POGZ: variants seen among roughly 807,000 people sequenced by gnomAD.
POGZ encodes the protein pogo transposable element with ZNF domain.
A neutral mutation model predicts 134.6 loss-of-function variants in POGZ; 17 were observed. The ratio of observed to expected loss-of-function variants is 0.13; its 90% CI spans 0.09 to 0.19. The LOEUF is 0.19. Among genes scored for constraint, POGZ ranks in the 10% least tolerant of loss-of-function variants. The pLI is 1.00. For missense variants in POGZ, 1,306 were observed against 1,769.7 expected (o/e 0.74, Z 4.70); for synonymous variants, 693 against 657.1 (o/e 1.05, Z -0.84).
chr1:151,408,307 G>C, intron 14 of POGZ, 67 bp from the exon 15 acceptor site: 2 of 1,587,778 alleles, frequency 1.3e-6, no homozygotes, highest in Non-Finnish European at 1.7e-6. Context: ...AGGATTTTCA[G>C]ACAACAAACC....
At chr1:151,437,728 G>T (rs1659859877) in intron 3 of POGZ, among the ~76,000 whole-genome samples, 1 of 151,782 alleles carries the variant, frequency 6.6e-6, no homozygotes, top group South Asian at 2.1e-4. Context: ...CTCCAGCCTG[G>T]GTGATGGAGT....
intron 2 of POGZ, 68 bp from the exon 3 acceptor site, chr1:151,441,154 T>C (rs1376015790): frequency 4.6e-6 from 6 of 1,298,660 alleles, no homozygotes; most frequent in Non-Finnish European, 5.3e-6. Context: ...ACTGCTCTAA[T>C]CTTCCCTTTC....
rs1176750172 is a variant in POGZ, at chr1:151,424,840, C to T, written c.1185+115G>A. On this transcript the variant is annotated intron_variant, in intron 8 of 18. Transcript: ENST00000271715. ...TCTTCTAAAAACAGACCAAGAGAAA[C>T]AGTAACCCTTTAAAAAGCTTCAGTC... The T allele has an allele frequency of 2.0e-5, 13 of 636,176 alleles. 1 individual carries two copies. In the South Asian group the frequency reaches 2.4e-4, roughly 12 times the overall value. The allele number at this position is 636,176 out of a possible 1,614,324, so 39.4% of individuals were successfully genotyped here. A position where few individuals can be genotyped will look rare whatever the true frequency, so the allele number is the denominator to read the frequency against.
At chr1:151,445,577 A>G (rs2102389041) in intron 1 of POGZ, among the ~76,000 whole-genome samples, 1 of 141,594 alleles carries the variant, frequency 7.1e-6, no homozygotes, top group African/African-American at 2.6e-5. Context: ...AAAAAAAAGA[A>G]AATCCAACTT....
At chr1:151,423,857 G>T in intron 9 of POGZ, 92 bp downstream of exon 9, 1 of 947,670 alleles carries the variant, frequency 1.1e-6, no homozygotes, top group Admixed American at 2.6e-5. Context: ...ATAGTAGTTA[G>T]GTCCATTCTC....
In POGZ at chr1:151,444,968, A is replaced by G. The variant is rs577514946; in HGVS notation, c.-1-2763T>C. On this transcript the variant is annotated intron_variant, in intron 1 of 18. Coordinates refer to ENST00000271715, the MANE Select transcript of POGZ (RefSeq NM_015100.4). The stretch of plus-strand genomic sequence containing the variant: ...CCTGAGCCCAGGAGTTCGAGGTTAC[A>G]GTGAGCTCGAGGTTACAGTAACTGC... Among the ~76,000 whole-genome samples, 9 of 152,198 alleles carry G rather than the reference A, an allele frequency of 5.9e-5. No homozygotes were observed. In the South Asian group the frequency reaches 1.9e-3, roughly 32 times the overall value.
rs1047036801 is a variant in POGZ, at chr1:151,403,180, A to G, written c.*1622T>C. 24 of 981,084 alleles carry G rather than the reference A, an allele frequency of 2.4e-5. No homozygotes were observed. The highest frequency in any genetic ancestry group is 1.1e-4 in the East Asian group (1 of 8,818). The allele number at this position is 981,084 out of a possible 1,614,324, so 60.8% of individuals were successfully genotyped here. On this transcript the variant is annotated 3_prime_UTR_variant, in exon 19 of 19. Transcript: ENST00000271715. ...CTGGAAGGGACTTTTCCAGTTCACT[A>G]TATTATAGTGTGCTGGGGGATGAAA... is the stretch of plus-strand genomic sequence containing the variant.
At chr1:151,425,178 T>C (rs889038043) in intron 7 of POGZ, 117 bp from the exon 8 acceptor site, 3 of 625,980 alleles carry the variant, frequency 4.8e-6, no homozygotes, top group Admixed American at 2.5e-5. Context: ...TAAGCAAGCA[T>C]GAGAGATCAC....
Position 151,403,984 on chromosome 1 carries a change from T to C in POGZ, c.*818A>G, listed in dbSNP as rs1316663883. On this transcript the variant is annotated 3_prime_UTR_variant, in exon 19 of 19. Transcript: ENST00000271715. ...ATGATCCTTTGTCCAGAGGGATGGATGGTGTTGAGAATGGGGAAAGGGGCC... is the reference window on the plus strand; with the variant it reads ...ATGATCCTTTGTCCAGAGGGATGGACGGTGTTGAGAATGGGGAAAGGGGCC... 2 of 985,282 alleles carry C rather than the reference T, an allele frequency of 2.0e-6. No homozygotes were observed. Among genetic ancestry groups the C allele is most frequent in the East Asian group, 2.3e-4 (2 of 8,834 alleles). 61.0% of individuals were successfully genotyped at this position (985,282 alleles called of 1,614,324 possible).
chr1:151,416,787 C>G (rs1463949068), intron 10 of POGZ, among the ~76,000 whole-genome samples: 1 of 151,130 alleles, frequency 6.6e-6, no homozygotes, highest in Admixed American at 6.6e-5. Context: ...CCACACCTGG[C>G]TAATTAAAAA....
intron 10 of POGZ, among the ~76,000 whole-genome samples, chr1:151,416,302 A>G (rs1311829892): frequency 6.6e-6 from 1 of 151,358 alleles, no homozygotes; most frequent in East Asian, 1.9e-4. Flanking sequence ...CACGCCTGTA[A>G]TCCCAGCACT....
intron 11 of POGZ, 89 bp from the exon 12 acceptor site, chr1:151,411,860 AT>A: frequency 8.3e-7 from 1 of 1,200,826 alleles, no homozygotes; most frequent in Non-Finnish European, 1.1e-6. Flanking sequence ...AAATTTTTAA[AT>A]TAAAAAAAAA....
intron 3 of POGZ, among the ~76,000 whole-genome samples, chr1:151,432,101 G>A (rs1230730206): frequency 3.9e-5 from 6 of 152,236 alleles, no homozygotes; most frequent in Admixed American, 6.5e-5. Context: ...CCAGGGAGGC[G>A]GAGGTTGCAG....
intron 10 of POGZ, among the ~76,000 whole-genome samples, chr1:151,418,378 TA>T (rs982842014): frequency 1.8e-4 from 26 of 148,004 alleles, no homozygotes; most frequent in South Asian, 2.1e-4. Context: ...ATGTGGGAGC[TA>T]AAAAAAAAAG....
intron 4 of POGZ, 33 bp from the exon 5 acceptor site, chr1:151,429,744 G>A (rs1379427784): frequency 7.9e-7 from 1 of 1,273,648 alleles, no homozygotes; most frequent in Admixed American, 1.7e-5. Flanking sequence ...CTTTAACATG[G>A]AGACCAATTA....
rs888864913 is a variant in POGZ at position 151,424,097 on chromosome 1, C to T, written c.1375G>A (p.Asp459Asn). The T allele has an allele frequency of 1.5e-5, 24 of 1,614,008 alleles. No individual in the cohort carries two copies. Among genetic ancestry groups the T allele is most frequent in the African/African-American group, 2.7e-5 (2 of 74,898 alleles). The change falls in exon 9 of 19, where the codon GAT (aspartate) becomes AAT (asparagine). Residue 459 changes from aspartate (D) to asparagine (N), a missense_variant. Physicochemically the swap from Asp to Asn is conservative, Grantham distance 23. This residue lies in a region of POGZ where 541 missense variants were observed against 680.5 expected (regional missense o/e 0.80). Transcript: ENST00000271715. Reference sequence around the variant, plus strand: ...ATAATGAGTTTGGTCTGGACGGCATCGCCCACGTTCTCATTTGGTTCTGGT... The same window carrying T: ...ATAATGAGTTTGGTCTGGACGGCATTGCCCACGTTCTCATTTGGTTCTGGT... ...KVPEPNENVG[D>N]AVQTKLIMLV...
Position 151,404,390 on chromosome 1 carries a change from C to A in POGZ, c.*412G>T, listed in dbSNP as rs1653201162. 1 of 990,630 alleles carries A rather than the reference C, an allele frequency of 1.0e-6. No individual in the cohort carries two copies. The highest frequency in any genetic ancestry group is 1.2e-6 in the Non-Finnish European group (1 of 832,644). 61.4% of individuals were successfully genotyped at this position (990,630 alleles called of 1,614,324 possible). On this transcript the variant is annotated 3_prime_UTR_variant, in exon 19 of 19. Coordinates refer to ENST00000271715, the MANE Select transcript of POGZ (RefSeq NM_015100.4). ...ATCATGCCCAAAGACATTGGCCACA[C>A]AATAAAACAAACAAAAAAACCCAGT...
intron 7 of POGZ, 107 bp downstream of exon 7, chr1:151,427,716 G>C: frequency 2.6e-6 from 2 of 776,584 alleles, no homozygotes; most frequent in South Asian, 3.5e-5. Flanking sequence ...TACAGCAGCT[G>C]TATTTTATTT....
intron 10 of POGZ, among the ~76,000 whole-genome samples, chr1:151,419,037 A>AAG (rs1553221082): frequency 1.3e-5 from 2 of 150,168 alleles, no homozygotes; most frequent in African/African-American, 4.9e-5. Context: ...AAAAAAAAAA[A>AAG]AAAAAAAAAG....
Sources: allele counts gnomAD v4.1 joint callset (sites outside exome capture counted in the v4.1 genomes callset), GRCh38; gene constraint gnomAD v4.1.1; regional missense constraint gnomAD v4.1.1; transcripts MANE v1.5; gene names NCBI Gene and HGNC (gene_info 2026-07-23, HGNC 2026-07-21).